The following ZNF420 variants were observed in gnomAD, a reference collection of about 807,000 sequenced individuals.
ZNF420 encodes the protein zinc finger protein 420.
Under a neutral mutation model 44.7 loss-of-function variants are expected in ZNF420, and 31 were observed. The ratio of observed to expected loss-of-function variants is 0.69; its 90% confidence interval spans 0.52 to 0.94. The LOEUF is 0.94. Ranked by LOEUF, ZNF420 falls within the 40% of genes least tolerant of loss-of-function variation. The probability of loss-of-function intolerance (pLI) is 0.00; values close to 1 mark genes in which losing one functional copy is unlikely to be tolerated. For synonymous variants in ZNF420, 245 were observed against 267.4 expected (o/e 0.92, Z 0.82); for missense variants, 681 against 827.9 (o/e 0.82, Z 2.18).
At chr19:37,015,486 G>A (rs1321417354) in intron 1 of ZNF420, among the ~76,000 whole-genome samples, 3 of 152,194 alleles carry the variant, frequency 2.0e-5, no homozygotes. Flanking sequence ...ATCCCCTTGA[G>A]CCCACTTCAA....
intron 1 of ZNF420, among the ~76,000 whole-genome samples, chr19:37,071,241 G>A (rs1041312738): frequency 6.6e-5 from 10 of 152,218 alleles, no homozygotes; most frequent in African/African-American, 2.4e-4. Context: ...ATGGAATACT[G>A]TACCATAAAA....
At chr19:37,052,600 T>G (rs940210558) in intron 1 of ZNF420, among the ~76,000 whole-genome samples, 8 of 152,178 alleles carry the variant, frequency 5.3e-5, no homozygotes, top group Non-Finnish European at 1.0e-4. Context: ...GTAAAGGATT[T>G]TATTTCTCCT....
At chr19:37,102,540 C>G (rs1177243976) in intron 4 of ZNF420, among the ~76,000 whole-genome samples, 2 of 152,146 alleles carry the variant, frequency 1.3e-5, no homozygotes, top group Non-Finnish European at 2.9e-5. Context: ...GGGCTGTAGC[C>G]AAGCCCTCTG....
intron 1 of ZNF420, among the ~76,000 whole-genome samples, chr19:37,011,739 C>T (rs1335653813): frequency 2.0e-5 from 3 of 152,280 alleles, no homozygotes; most frequent in East Asian, 1.9e-4. Flanking sequence ...TTGTTCGTCT[C>T]GCCATCGCCC....
rs1234902536 is a variant in ZNF420 at position 37,053,109 on chromosome 19, A to AT, written c.-124-27233dup. 3.3e-5 allele frequency among the ~76,000 whole-genome samples: 5 copies of AT among 152,228 alleles called. No homozygotes were observed. In the East Asian group the frequency reaches 7.7e-4, roughly 24 times the overall value. The stretch of plus-strand genomic sequence containing the variant: ...CTTCTCTTCTCACTTGATTTCATTC[A>AT]TTTGATCTTCCATCAGTGATACCCT... On this transcript the variant is annotated intron_variant, in intron 1 of 4. Coordinates refer to the ZNF420 transcript ENST00000587029.
intron 1 of ZNF420, among the ~76,000 whole-genome samples, chr19:37,011,769 ACACT>A (rs776248108): frequency 2.0e-4 from 31 of 152,086 alleles, no homozygotes; most frequent in Admixed American, 3.9e-4. Flanking sequence ...TTGGTGACAC[ACACT>A]CACCCCATCT....
chr19:37,044,590 G>T (rs962397233), intron 1 of ZNF420, among the ~76,000 whole-genome samples: 4 of 152,094 alleles, frequency 2.6e-5, no homozygotes, highest in African/African-American at 4.8e-5. Context: ...TCCAGGCCGG[G>T]TGCGGTGGCT....
chr19:37,122,632 A>T (rs75124066), intron 4 of ZNF420, among the ~76,000 whole-genome samples: 2,939 of 151,780 alleles, frequency 0.019, 79 homozygotes, highest in East Asian at 0.05. Flanking sequence ...ACAACAACAC[A>T]TTTTTCACAT....
At position 37,087,978 on chromosome 19, in the gene ZNF420, T is replaced by A. The variant is rs73625272; in HGVS notation, c.-80-1061T>A. ...GCTTTTGAAGGAGTGAGGTCTCGGA[T>A]CTAGGTTAGAGATTACCCAACTTTT... is the stretch of plus-strand genomic sequence containing the variant. On this transcript the variant is annotated intron_variant, in intron 2 of 4. Coordinates refer to ENST00000337995, the MANE Select transcript of ZNF420 (RefSeq NM_144689.5). Among the ~76,000 whole-genome samples, 941 of 152,212 alleles carry A rather than the reference T, an allele frequency of 6.2e-3. 28 individuals are homozygous for A. Among genetic ancestry groups the A allele is most frequent in the East Asian group, 0.05 (258 of 5,170 alleles).
At chr19:37,039,262 G>T (rs761734855) in intron 1 of ZNF420, among the ~76,000 whole-genome samples, 40 of 152,100 alleles carry the variant, frequency 2.6e-4, no homozygotes, top group Non-Finnish European at 4.6e-4. Context: ...AATTTACTTT[G>T]CTGAGATCCA....
At chr19:37,046,903 G>A (rs1967551986) in intron 1 of ZNF420, among the ~76,000 whole-genome samples, 1 of 151,226 alleles carries the variant, frequency 6.6e-6, no homozygotes, top group East Asian at 2.0e-4. Flanking sequence ...ATTGAATATA[G>A]GCAAGGATGA....
Position 37,057,066 on chromosome 19 carries a change from C to G in ZNF420, c.-124-23279C>G, listed in dbSNP as rs76876943. ...TCCCACGGTTGCCTGAGTAACCACT[C>G]CCTGAGGCTTGGCAAAGCAGGAGCC... On this transcript the variant is annotated intron_variant, in intron 1 of 4. Transcript: ENST00000587029. Among the ~76,000 whole-genome samples, 908 of 152,316 alleles carry G rather than the reference C, an allele frequency of 6.0e-3. 7 individuals are homozygous for G. Among genetic ancestry groups the G allele is most frequent in the Middle Eastern group, 0.017 (5 of 294 alleles).
intron 4 of ZNF420, among the ~76,000 whole-genome samples, chr19:37,125,850 T>G (rs1599730059): frequency 1.3e-5 from 2 of 152,358 alleles, no homozygotes; most frequent in Non-Finnish European, 1.5e-5. Context: ...CTGTCCAGAT[T>G]GGTCTACTGT....
intron 1 of ZNF420, among the ~76,000 whole-genome samples, chr19:37,018,686 G>T (rs1436979652): frequency 6.6e-6 from 1 of 152,120 alleles, no homozygotes; most frequent in East Asian, 1.9e-4. Flanking sequence ...TCCTGCCTCA[G>T]CCTCCTGAGT....
rs779817509 is a variant in ZNF420 at position 37,128,206 on chromosome 19, A to G, written c.1215A>G (p.Gln405=). 17 of 1,613,910 alleles carry G rather than the reference A, an allele frequency of 1.1e-5. No homozygotes were observed. The highest frequency in any genetic ancestry group is 1.0e-4 in the Admixed American group (6 of 60,008). The change falls in exon 5 of 5, where the codon CAA becomes CAG. Residue 405 remains glutamine, a synonymous_variant. Transcript: ENST00000337995. ...ECGKMFSHGS[Q]LTQHQRIHTG... ...GAAAGATGTTTAGTCATGGCTCACA[A>G]CTTACTCAACATCAGAGAATACACA...
intron 1 of ZNF420, among the ~76,000 whole-genome samples, chr19:37,021,943 A>C (rs1277962606): frequency 1.4e-5 from 1 of 69,416 alleles, no homozygotes; most frequent in Non-Finnish European, 3.5e-5. Context: ...TCTCAAAAAA[A>C]AAAAAAAAAA....
chr19:37,014,481 C>T (rs2146373045), intron 1 of ZNF420, among the ~76,000 whole-genome samples: 1 of 152,280 alleles, frequency 6.6e-6, no homozygotes, highest in South Asian at 2.1e-4. Context: ...TCTGAAGCGC[C>T]TCCTCCTCCA....
intron 1 of ZNF420, among the ~76,000 whole-genome samples, chr19:37,024,058 G>A (rs1199643183): frequency 6.6e-6 from 1 of 152,020 alleles, no homozygotes; most frequent in East Asian, 1.9e-4. Context: ...AGAAACATTT[G>A]TATCCTCTCT....
chr19:37,013,724 A>G (rs553621548), intron 1 of ZNF420, among the ~76,000 whole-genome samples: 9 of 152,266 alleles, frequency 5.9e-5, no homozygotes, highest in African/African-American at 2.2e-4. Flanking sequence ...CTTAAAGTTC[A>G]TTGACTCATC....
Sources: allele counts gnomAD v4.1 joint callset (sites outside exome capture counted in the v4.1 genomes callset), GRCh38; gene constraint gnomAD v4.1.1; transcripts MANE v1.5; gene names NCBI Gene and HGNC (gene_info 2026-07-23, HGNC 2026-07-21).